The following CCSER1 variants were observed in gnomAD, a reference collection of about 807,000 sequenced individuals.
CCSER1 encodes the protein serine-rich coiled-coil domain-containing protein 1.
A neutral mutation model predicts 82.0 loss-of-function variants in CCSER1; 41 were observed. The ratio of observed to expected loss-of-function variants is 0.50; its 90% CI spans 0.39 to 0.65. The LOEUF is 0.65. Among genes scored for constraint, CCSER1 ranks in the 30% least tolerant of loss-of-function variants. The probability of loss-of-function intolerance (pLI) is 0.00; values close to 1 mark genes in which losing one functional copy is unlikely to be tolerated. For synonymous variants in CCSER1, 414 were observed against 383.9 expected (o/e 1.08, Z -0.92); for missense variants, 1,119 against 1,064.2 (o/e 1.05, Z -0.72).
At position 91,446,944 on chromosome 4, in the gene CCSER1, G is replaced by T. The variant is rs568587085; in HGVS notation, c.2218-151628G>T. 9.2e-5 allele frequency among the ~76,000 whole-genome samples: 14 copies of T among 152,116 alleles called. 1 individual carries two copies. In the South Asian group the frequency reaches 2.9e-3, roughly 32 times the overall value. On this transcript the variant is annotated intron_variant, in intron 10 of 10. Transcript: ENST00000509176. ...TTTGGTTTAGTTAAAACTGTGAATGGAGATGGAGTGTTATAGGAAGTAAAT... is the reference window on the plus strand; with the variant it reads ...TTTGGTTTAGTTAAAACTGTGAATGTAGATGGAGTGTTATAGGAAGTAAAT...
At chr4:90,348,665 A>T (rs924994155) in intron 3 of CCSER1, among the ~76,000 whole-genome samples, 17 of 152,294 alleles carry the variant, frequency 1.1e-4, no homozygotes, top group African/African-American at 3.6e-4. Context: ...ACACTGATTA[A>T]ATGAAAGGAG....
At chr4:90,604,266 A>G (rs1204893240) in intron 5 of CCSER1, among the ~76,000 whole-genome samples, 1 of 152,132 alleles carries the variant, frequency 6.6e-6, no homozygotes, top group Non-Finnish European at 1.5e-5. Flanking sequence ...TTCTTGGTAA[A>G]CATCCTTGAG....
chr4:91,207,863 C>T (rs1466928366), intron 10 of CCSER1, among the ~76,000 whole-genome samples: 2 of 151,862 alleles, frequency 1.3e-5, no homozygotes, highest in Non-Finnish European at 2.9e-5. Flanking sequence ...CATAAGTGTT[C>T]CTTTTTCTCT....
intron 5 of CCSER1, among the ~76,000 whole-genome samples, chr4:90,595,277 C>T (rs968351286): frequency 7.9e-5 from 12 of 151,778 alleles, no homozygotes; most frequent in Admixed American, 7.2e-4. Flanking sequence ...AATACTGTTG[C>T]CTCAAACAGT....
At chr4:90,324,200 G>A (rs932593984) in intron 3 of CCSER1, among the ~76,000 whole-genome samples, 1 of 152,132 alleles carries the variant, frequency 6.6e-6, no homozygotes, top group Non-Finnish European at 1.5e-5. Context: ...TTGGATGGCT[G>A]GGTCAAATGG....
chr4:91,453,013 T>G (rs1755952614), intron 10 of CCSER1, among the ~76,000 whole-genome samples: 1 of 152,080 alleles, frequency 6.6e-6, no homozygotes, highest in Non-Finnish European at 1.5e-5. Flanking sequence ...TACTCTCTTT[T>G]AAATGAAGTT....
rs574492097 is a variant in CCSER1, at chr4:91,388,862, C to A, written c.2218-209710C>A. 7.2e-5 allele frequency among the ~76,000 whole-genome samples: 11 copies of A among 151,982 alleles called. No homozygotes were observed. The South Asian group carries it at 2.3e-3, about 32-fold the overall frequency. ...TGTTTCTCCATATAAACTTTAGAAT[C>A]GGTTTGAAAATGCCTGTGTATCTTT... On this transcript the variant is annotated intron_variant, in intron 10 of 10. Transcript: ENST00000509176.
At chr4:91,588,832 GTCAATTATTAAA>G (rs1213432091) in intron 10 of CCSER1, among the ~76,000 whole-genome samples, 4 of 151,708 alleles carry the variant, frequency 2.6e-5, no homozygotes, top group South Asian at 2.1e-4. Flanking sequence ...CATAACTTAT[GTCAATTATTAAA>G]TCAATTATTA....
chr4:90,525,584 A>G (rs758106301), intron 5 of CCSER1, among the ~76,000 whole-genome samples: 3 of 152,002 alleles, frequency 2.0e-5, no homozygotes, highest in Admixed American at 6.6e-5. Flanking sequence ...TCTTCTCTCA[A>G]TTACCCTTAT....
intron 1 of CCSER1, among the ~76,000 whole-genome samples, chr4:90,305,303 A>C (rs1446073905): frequency 6.6e-6 from 1 of 152,216 alleles, no homozygotes; most frequent in Non-Finnish European, 1.5e-5. Context: ...TGAGTATTTC[A>C]GTAATGATGG....
intron 10 of CCSER1, among the ~76,000 whole-genome samples, chr4:91,232,898 G>A (rs918744808): frequency 2.6e-5 from 4 of 151,716 alleles, no homozygotes; most frequent in Non-Finnish European, 5.9e-5. Context: ...CAGAAGGGAA[G>A]GCAGGGTTTT....
chr4:91,562,480 A>G (rs2110257459), intron 10 of CCSER1, among the ~76,000 whole-genome samples: 1 of 151,536 alleles, frequency 6.6e-6, no homozygotes, highest in East Asian at 1.9e-4. Flanking sequence ...TCCATGTTCT[A>G]CCTCTTGCAA....
At chr4:90,341,766 T>C (rs1741422278) in intron 3 of CCSER1, among the ~76,000 whole-genome samples, 1 of 152,180 alleles carries the variant, frequency 6.6e-6, no homozygotes, top group South Asian at 2.1e-4. Flanking sequence ...AGTTAATAAA[T>C]ACTCTTTTAT....
intron 5 of CCSER1, among the ~76,000 whole-genome samples, chr4:90,477,696 T>TA (rs1433992358): frequency 1.3e-5 from 2 of 152,092 alleles, no homozygotes; most frequent in Non-Finnish European, 2.9e-5. Context: ...GTTTTTTTTT[T>TA]ATCTTCTATT....
chr4:90,884,358 C>T lies in CCSER1; in HGVS notation c.2095-39012C>T, dbSNP rs544536572. ...CCATTTAGGGGCAACAGGAAGCACC[C>T]ATGGAGAAGGGATACATGTATATAC... On this transcript the variant is annotated intron_variant, in intron 8 of 10. Coordinates refer to ENST00000509176, the MANE Select transcript of CCSER1 (RefSeq NM_001145065.2). 2.0e-5 allele frequency among the ~76,000 whole-genome samples: 3 copies of T among 152,062 alleles called. No individual in the cohort carries two copies. The South Asian group carries it at 6.3e-4, about 32-fold the overall frequency.
chr4:91,499,819 T>TAAA (rs1759110919), intron 10 of CCSER1, among the ~76,000 whole-genome samples: 4 of 152,028 alleles, frequency 2.6e-5, no homozygotes, highest in Non-Finnish European at 5.9e-5. Context: ...CATTCATTTG[T>TAAA]GTTTAGTGAT....
At chr4:90,211,727 G>T (rs72876165) in intron 1 of CCSER1, among the ~76,000 whole-genome samples, 7,195 of 152,220 alleles carry the variant, frequency 0.047, 412 homozygotes, top group East Asian at 0.25. Context: ...AATATTAGTT[G>T]TAATAATGTA....
chr4:90,255,715 A>G (rs1035810454), intron 1 of CCSER1, among the ~76,000 whole-genome samples: 3 of 152,178 alleles, frequency 2.0e-5, no homozygotes, highest in South Asian at 2.1e-4. Context: ...AGTTGTTGCA[A>G]TCATCCAAAG....
At chr4:90,440,493 C>A (rs1439453380) in intron 4 of CCSER1, among the ~76,000 whole-genome samples, 1 of 152,188 alleles carries the variant, frequency 6.6e-6, no homozygotes, top group African/African-American at 2.4e-5. Context: ...AGGAGGATTA[C>A]ATAATTGTTT....
Sources: gnomAD v4.1 joint callset for allele counts (sites outside exome capture counted in the v4.1 genomes callset) on GRCh38, gnomAD v4.1.1 for gene constraint, MANE v1.5 for transcripts, NCBI Gene and HGNC (gene_info 2026-07-23, HGNC 2026-07-21) for gene names.